Variants in RPS6KB1 observed in about 807,000 individuals in gnomAD.
RPS6KB1 encodes ribosomal protein S6 kinase B1.
RPS6KB1 carries 12 observed loss-of-function variants against 70.2 expected under a neutral mutation model. The observed-to-expected ratio is 0.17, with a 90% CI of 0.11 to 0.28. The LOEUF (loss-of-function observed/expected upper bound fraction) is 0.28, where lower values mean the gene tolerates loss of function less well. RPS6KB1 is among the 10% of genes least tolerant of loss of function. The pLI is 1.00. For synonymous variants in RPS6KB1, 175 were observed against 211.2 expected (o/e 0.83, Z 1.49); for missense variants, 270 against 646.6 (o/e 0.42, Z 6.32).
Position 59,947,582 on chromosome 17 carries a change from T to C in RPS6KB1, c.*794T>C, listed in dbSNP as rs1355672741. 1.3e-6 allele frequency: 2 copies of C among 1,514,486 alleles called. No homozygotes were observed. Among genetic ancestry groups the C allele is most frequent in the Admixed American group, 1.9e-5 (1 of 51,612 alleles). The allele number at this position is 1,514,486 out of a possible 1,614,324, so 93.8% of individuals were successfully genotyped here. On this transcript the variant is annotated 3_prime_UTR_variant, in exon 15 of 15. Transcript: ENST00000225577. ...ATGAATCTATTTAATCATTTCTACT[T>C]GCAGTACTGCTATGTGCTAAGCTTA... is the stretch of plus-strand genomic sequence containing the variant.
intron 12 of RPS6KB1, 82 bp downstream of exon 12, chr17:59,936,623 ATTGT>A: frequency 8.9e-7 from 1 of 1,128,534 alleles, no homozygotes; most frequent in Non-Finnish European, 1.3e-6. Flanking sequence ...AGGTGGGAGG[ATTGT>A]TTGAGGCCAG....
chr17:59,914,593 C>CATAGT, intron 3 of RPS6KB1, 42 bp from the exon 4 acceptor site: 1 of 1,420,412 alleles, frequency 7.0e-7, no homozygotes, highest in Non-Finnish European at 9.9e-7. Flanking sequence ...GTATGCCTGA[C>CATAGT]ATAGTTTGCC....
At chr17:59,906,192 G>A (rs1254480199) in intron 1 of RPS6KB1, among the ~76,000 whole-genome samples, 1 of 152,008 alleles carries the variant, frequency 6.6e-6, no homozygotes, top group African/African-American at 2.4e-5. Context: ...TTTATTTCTG[G>A]GCTCTTAATT....
chr17:59,940,998 C>T (rs2044544188), intron 13 of RPS6KB1, 55 bp downstream of exon 13: 7 of 1,085,112 alleles, frequency 6.5e-6, no homozygotes, highest in South Asian at 4.0e-5. Flanking sequence ...AGGATGGGCT[C>T]TTCAAAGAAA....
At chr17:59,921,777 C>T (rs549911055) in intron 4 of RPS6KB1, among the ~76,000 whole-genome samples, 110 of 152,312 alleles carry the variant, frequency 7.2e-4, no homozygotes, top group Middle Eastern at 3.4e-3. Context: ...CTATTGCCTA[C>T]GGCATTAGTT....
chr17:59,902,110 T>G (rs999398888), intron 1 of RPS6KB1, among the ~76,000 whole-genome samples: 1 of 139,780 alleles, frequency 7.2e-6, no homozygotes, highest in Non-Finnish European at 1.6e-5. Context: ...CTTTTTTTTT[T>G]TTTTTTTTTT....
At chr17:59,923,953 CCTA>C (rs1462754548) in intron 4 of RPS6KB1, among the ~76,000 whole-genome samples, 1 of 152,160 alleles carries the variant, frequency 6.6e-6, no homozygotes, top group Non-Finnish European at 1.5e-5. Context: ...CAGCTACAAA[CCTA>C]CTAAGTTTGA....
chr17:59,903,537 A>G (rs1598656445), intron 1 of RPS6KB1, among the ~76,000 whole-genome samples: 1 of 152,186 alleles, frequency 6.6e-6, no homozygotes, highest in African/African-American at 2.4e-5. Context: ...TGTGGAGCAT[A>G]TACTTTTCAT....
At chr17:59,901,289 A>G (rs2041922656) in intron 1 of RPS6KB1, among the ~76,000 whole-genome samples, 2 of 151,278 alleles carry the variant, frequency 1.3e-5, no homozygotes, top group South Asian at 2.1e-4. Context: ...AGCTGGGACT[A>G]CAGGTGCCCG....
At chr17:59,926,409 C>G (rs1598767018) in intron 4 of RPS6KB1, 26 bp from the exon 5 acceptor site, 4 of 1,518,100 alleles carry the variant, frequency 2.6e-6, no homozygotes, top group Non-Finnish European at 2.7e-6. Flanking sequence ...CTATTTTGTT[C>G]TTATAGATGA....
At chr17:59,927,668 G>A (rs1443445302) in intron 5 of RPS6KB1, among the ~76,000 whole-genome samples, 4 of 151,006 alleles carry the variant, frequency 2.6e-5, no homozygotes, top group African/African-American at 7.3e-5. Context: ...CACCACACTT[G>A]GCTTTTTTTT....
chr17:59,928,468 G>A (rs2043753920), intron 5 of RPS6KB1, among the ~76,000 whole-genome samples: 1 of 151,256 alleles, frequency 6.6e-6, no homozygotes, highest in Admixed American at 6.6e-5. Context: ...TACAACCTCT[G>A]CCTCTCGAGT....
intron 1 of RPS6KB1, among the ~76,000 whole-genome samples, chr17:59,896,374 A>G (rs542236469): frequency 1.3e-5 from 2 of 152,102 alleles, no homozygotes; most frequent in African/African-American, 4.8e-5. Flanking sequence ...TTGTATTTTT[A>G]GTAGAGACGG....
rs72001861 is a variant in RPS6KB1, at chr17:59,938,170, C to CT, written c.1119+1643dup. On this transcript the variant is annotated intron_variant, in intron 12 of 14. Coordinates refer to ENST00000225577, the MANE Select transcript of RPS6KB1 (RefSeq NM_003161.4). ...TTTTTTTTTCCTTTTTCTTTTCTTT[C>CT]TTTTTTTTTTTTTTGGGGGGGGGAT... is the stretch of plus-strand genomic sequence containing the variant. Among the ~76,000 whole-genome samples the CT allele has an allele frequency of 3.6e-3, 254 of 71,442 alleles. 1 individual carries two copies. The highest frequency in any genetic ancestry group is 8.9e-3 in the Middle Eastern group (1 of 112). The allele number at this position is 71,442 out of a possible 152,430, so 46.9% of individuals were successfully genotyped here. A position where few individuals can be genotyped will look rare whatever the true frequency, so the allele number is the denominator to read the frequency against.
intron 1 of RPS6KB1, among the ~76,000 whole-genome samples, chr17:59,901,192 C>T (rs1374509949): frequency 6.6e-6 from 1 of 150,618 alleles, no homozygotes; most frequent in Non-Finnish European, 1.5e-5. Context: ...CTCTGTTGCC[C>T]AGGCTGGAGT....
At chr17:59,941,898 G>A (rs1350851668) in intron 13 of RPS6KB1, among the ~76,000 whole-genome samples, 4 of 122,976 alleles carry the variant, frequency 3.3e-5, no homozygotes, top group South Asian at 2.7e-4. Context: ...TCGCTCTGTC[G>A]CCCAGGTTGG....
chr17:59,938,187 G>C lies in RPS6KB1; in HGVS notation c.1119+1646G>C, dbSNP rs909776287. The stretch of plus-strand genomic sequence containing the variant: ...TTTTCTTTCTTTTTTTTTTTTTTGG[G>C]GGGGGGATAGGGTCTTTCTCTGTTG... On this transcript the variant is annotated intron_variant, in intron 12 of 14. Coordinates refer to ENST00000225577, the MANE Select transcript of RPS6KB1 (RefSeq NM_003161.4). Among the ~76,000 whole-genome samples, 20 of 141,952 alleles carry C rather than the reference G, an allele frequency of 1.4e-4. 1 individual carries two copies. Among genetic ancestry groups the C allele is most frequent in the East Asian group, 1.0e-3 (5 of 4,912 alleles). The allele number at this position is 141,952 out of a possible 152,430, so 93.1% of individuals were successfully genotyped here.
Position 59,946,942 on chromosome 17 carries a change from A to T in RPS6KB1, c.*154A>T. ...CACAGGAAAAATAAACGTGGATTTT[A>T]AAAAATCAATCAATGGTGCAAAAAA... On this transcript the variant is annotated 3_prime_UTR_variant, in exon 15 of 15. Transcript: ENST00000225577. This position sits in a 1 kb window ranked among gnomAD's most constrained non-coding sequence, Gnocchi z 4.2. 2 of 1,473,436 alleles carry T rather than the reference A, an allele frequency of 1.4e-6. No homozygotes were observed. The highest frequency in any genetic ancestry group is 1.8e-6 in the Non-Finnish European group (2 of 1,116,120). The allele number at this position is 1,473,436 out of a possible 1,614,324, so 91.3% of individuals were successfully genotyped here. A position where few individuals can be genotyped will look rare whatever the true frequency, so the allele number is the denominator to read the frequency against.
In RPS6KB1 at chr17:59,926,536, C is replaced by T; in HGVS notation, c.483C>T (p.Ala161=). The T allele has an allele frequency of 6.2e-7, 1 of 1,612,410 alleles. No individual in the cohort carries two copies. The highest frequency in any genetic ancestry group is 8.5e-7 in the Non-Finnish European group (1 of 1,178,702). The change falls in exon 5 of 15, where the codon GCC becomes GCT. Residue 161 remains alanine (A), a synonymous_variant. Coordinates refer to ENST00000225577, the MANE Select transcript of RPS6KB1 (RefSeq NM_003161.4). ...KHPFIVDLIY[A]FQTGGKLYLI... ...CCTTCATCGTGGATTTAATTTATGC[C>T]TTTCAGACTGGTGGAAAACTCTACC... is the stretch of plus-strand genomic sequence containing the variant.
Sources: allele counts gnomAD v4.1 joint callset (sites outside exome capture counted in the v4.1 genomes callset), GRCh38; gene constraint gnomAD v4.1.1; non-coding constraint Gnocchi (gnomAD v3.1); transcripts MANE v1.5; gene names NCBI Gene and HGNC (gene_info 2026-07-23, HGNC 2026-07-21).